Variants in CEP128 observed in about 807,000 individuals in gnomAD.
CEP128 encodes centrosomal protein 128kDa.
A neutral mutation model predicts 156.7 loss-of-function variants in CEP128; 132 were observed. That is an observed-to-expected ratio of 0.84 (90% CI 0.73 to 0.97). The LOEUF is 0.97. Among genes scored for constraint, CEP128 ranks in the 50% least tolerant of loss-of-function variants. CEP128 has a pLI of 0.00. For synonymous variants in CEP128, 469 were observed against 448.9 expected (o/e 1.04, Z -0.57); for missense variants, 1,252 against 1,281.9 (o/e 0.98, Z 0.36).
chr14:80,941,294 C>T (rs2139636960), intron 1 of CEP128, among the ~76,000 whole-genome samples: 1 of 152,296 alleles, frequency 6.6e-6, no homozygotes, highest in East Asian at 1.9e-4. Context: ...CAGATGCTAG[C>T]GGTAGAGCAA....
At chr14:80,556,469 T>C (rs2140358061) in intron 21 of CEP128, among the ~76,000 whole-genome samples, 1 of 152,198 alleles carries the variant, frequency 6.6e-6, no homozygotes, top group Admixed American at 6.5e-5. Context: ...GCAAATAAAA[T>C]GCAGTTTCTA....
chr14:80,710,988 T>C (rs1897380968), intron 19 of CEP128, among the ~76,000 whole-genome samples: 1 of 152,160 alleles, frequency 6.6e-6, no homozygotes, highest in Non-Finnish European at 1.5e-5. Flanking sequence ...TGATAACTTA[T>C]CAAATACAAT....
intron 21 of CEP128, among the ~76,000 whole-genome samples, chr14:80,533,000 T>C (rs910937925): frequency 3.3e-5 from 5 of 152,180 alleles, no homozygotes; most frequent in Non-Finnish European, 7.3e-5. Flanking sequence ...ATATTATTGT[T>C]AGTCTTTAGG....
At chr14:80,777,220 G>T (rs561461538) in intron 16 of CEP128, among the ~76,000 whole-genome samples, 1 of 152,070 alleles carries the variant, frequency 6.6e-6, no homozygotes, top group African/African-American at 2.4e-5. Flanking sequence ...GGTGGGAGGT[G>T]ATTTGGGAGG....
chr14:80,837,957 G>A (rs1033577066), intron 11 of CEP128, among the ~76,000 whole-genome samples: 4 of 152,228 alleles, frequency 2.6e-5, no homozygotes, highest in Admixed American at 1.3e-4. Context: ...CAGATAAGTA[G>A]TAAGTTGTAG....
At chr14:80,791,542 C>T (rs1901705387) in intron 14 of CEP128, among the ~76,000 whole-genome samples, 1 of 152,172 alleles carries the variant, frequency 6.6e-6, no homozygotes, top group African/African-American at 2.4e-5. Context: ...ACTCCTCTCG[C>T]TAGCTACCTA....
intron 18 of CEP128, among the ~76,000 whole-genome samples, chr14:80,744,853 T>C (rs1295819213): frequency 1.3e-5 from 2 of 152,162 alleles, no homozygotes; most frequent in Admixed American, 1.3e-4. Context: ...ATGGTTACCC[T>C]ACCCCAAGCA....
intron 8 of CEP128, among the ~76,000 whole-genome samples, chr14:80,870,987 C>T (rs999812868): frequency 2.0e-5 from 3 of 150,062 alleles, no homozygotes; most frequent in Admixed American, 2.0e-4. Flanking sequence ...CACTATAGCA[C>T]CCAAAAAATA....
At chr14:80,853,784 G>A (rs1053201556) in intron 9 of CEP128, among the ~76,000 whole-genome samples, 3 of 151,882 alleles carry the variant, frequency 2.0e-5, no homozygotes, top group Admixed American at 2.0e-4. Context: ...AATTATATTA[G>A]TATAGGGCTA....
intron 19 of CEP128, among the ~76,000 whole-genome samples, chr14:80,621,466 T>A (rs1335935188): frequency 6.6e-6 from 1 of 152,202 alleles, no homozygotes; most frequent in Non-Finnish European, 1.5e-5. Context: ...ATGATAATTG[T>A]ATCAGTGGTT....
chr14:80,501,154 G>A (rs1442781914), intron 24 of CEP128, among the ~76,000 whole-genome samples: 1 of 151,970 alleles, frequency 6.6e-6, no homozygotes, highest in Admixed American at 6.6e-5. Flanking sequence ...AAAAACATGA[G>A]TGTCCAGATA....
intron 19 of CEP128, among the ~76,000 whole-genome samples, chr14:80,580,711 T>C (rs1287198075): frequency 1.3e-5 from 2 of 152,144 alleles, no homozygotes; most frequent in African/African-American, 2.4e-5. Flanking sequence ...TCTGTAATCA[T>C]ACCAATATTT....
intron 2 of CEP128, among the ~76,000 whole-genome samples, chr14:80,947,367 G>A (rs1886370901): frequency 1.3e-5 from 2 of 152,058 alleles, no homozygotes; most frequent in Non-Finnish European, 2.9e-5. Context: ...GGGGAGTTGA[G>A]AAAGAAAAAG....
At chr14:80,827,622 G>A (rs1215240398) in intron 13 of CEP128, among the ~76,000 whole-genome samples, 4 of 152,180 alleles carry the variant, frequency 2.6e-5, no homozygotes, top group Non-Finnish European at 5.9e-5. Flanking sequence ...ATCTCTGGTT[G>A]TAAGGACTCT....
chr14:80,832,282 G>A (rs540583703), intron 12 of CEP128, among the ~76,000 whole-genome samples: 1 of 151,820 alleles, frequency 6.6e-6, no homozygotes, highest in African/African-American at 2.4e-5. Context: ...CACATCCCAA[G>A]AATAGAGACA....
At chr14:80,700,207 C>T (rs1335876931) in intron 19 of CEP128, among the ~76,000 whole-genome samples, 2 of 152,096 alleles carry the variant, frequency 1.3e-5, no homozygotes, top group Non-Finnish European at 2.9e-5. Flanking sequence ...GTCTTTGGGA[C>T]CACTGCCAAA....
Position 80,758,781 on chromosome 14 carries a change from C to T in CEP128, c.2554-1830G>A, listed in dbSNP as rs566016072. On this transcript the variant is annotated intron_variant, in intron 17 of 24. Transcript: ENST00000555265. ...TAACATTACTTGAGTATCCACTAAG[C>T]GCAAGATATTTGACCCTATAATAGC... Among the ~76,000 whole-genome samples, 6 of 152,278 alleles carry T rather than the reference C, an allele frequency of 3.9e-5. No homozygotes were observed. The East Asian group carries it at 5.8e-4, about 15-fold the overall frequency.
chr14:80,765,059 T>G (rs1342931809), intron 16 of CEP128, among the ~76,000 whole-genome samples: 1 of 152,184 alleles, frequency 6.6e-6, no homozygotes, highest in African/African-American at 2.4e-5. Flanking sequence ...GACAAGACAT[T>G]CTCATGTCCA....
At chr14:80,685,425 C>A (rs1383379728) in intron 19 of CEP128, among the ~76,000 whole-genome samples, 1 of 151,956 alleles carries the variant, frequency 6.6e-6, no homozygotes, top group African/African-American at 2.4e-5. Flanking sequence ...CCACAAAACA[C>A]TGCTGAAATA....
Sources: gnomAD v4.1 joint callset for allele counts (sites outside exome capture counted in the v4.1 genomes callset) on GRCh38, gnomAD v4.1.1 for gene constraint, MANE v1.5 for transcripts, NCBI Gene and HGNC (gene_info 2026-07-23, HGNC 2026-07-21) for gene names.